The following ARMC2 variants were observed in gnomAD, a reference collection of about 807,000 sequenced individuals.
ARMC2 encodes the protein armadillo repeat containing 2.
Under a neutral mutation model 90.3 loss-of-function variants are expected in ARMC2, and 67 were observed. That is an observed-to-expected ratio of 0.74 (90% CI 0.61 to 0.91). ARMC2 has a LOEUF of 0.91. Among genes scored for constraint, ARMC2 ranks in the 40% least tolerant of loss-of-function variants. ARMC2 has a pLI of 0.00. For synonymous variants in ARMC2, 393 were observed against 393.0 expected (o/e 1.00, Z 0.00); for missense variants, 920 against 1,030.9 (o/e 0.89, Z 1.47).
At chr6:108,907,790 TC>T in intron 8 of ARMC2, 1 of 1,610,576 alleles carries the variant, frequency 6.2e-7, no homozygotes. Context: ...AGGGCTGAAG[TC>T]CCCCATCAAG....
chr6:108,936,099 T>C (rs1276384531), intron 11 of ARMC2, among the ~76,000 whole-genome samples: 1 of 152,230 alleles, frequency 6.6e-6, no homozygotes, highest in East Asian at 1.9e-4. Flanking sequence ...TTTTGTTTGC[T>C]TGCTTGCTTA....
the ARMC2 span, chr6:109,009,405 C>T: frequency 9.6e-6 from 14 of 1,458,950 alleles, no homozygotes; most frequent in Non-Finnish European, 1.3e-5. Flanking sequence ...GCCCAGCAGC[C>T]CCGAGACCGC....
chr6:109,047,366 G>A, the ARMC2 span, among the ~76,000 whole-genome samples: 1 of 137,160 alleles, frequency 7.3e-6, no homozygotes, highest in South Asian at 2.5e-4. Context: ...CCCCTGCCCG[G>A]CCAGCCGCCC....
At chr6:108,987,580 A>C in the ARMC2 span, 1 of 1,606,558 alleles carries the variant, frequency 6.2e-7, no homozygotes, top group Non-Finnish European at 8.5e-7. Flanking sequence ...TCAGAGCATA[A>C]AGGAGTTCTG....
At chr6:108,964,918 A>G (rs1778258268) in intron 16 of ARMC2, 62 bp from the exon 17 acceptor site, 2 of 1,223,112 alleles carry the variant, frequency 1.6e-6, no homozygotes, top group East Asian at 2.4e-5. Context: ...TATGCTAACA[A>G]TATTAAAATT....
At chr6:108,905,136 T>G (rs1032073854) in intron 8 of ARMC2, among the ~76,000 whole-genome samples, 1 of 152,224 alleles carries the variant, frequency 6.6e-6, no homozygotes, top group East Asian at 1.9e-4. Context: ...CTTTGTTTTC[T>G]TGGTTTCATA....
At chr6:109,009,730 G>T in the ARMC2 span, among the ~76,000 whole-genome samples, 1 of 152,090 alleles carries the variant, frequency 6.6e-6, no homozygotes, top group South Asian at 2.1e-4. Flanking sequence ...AAATCACCTT[G>T]GGGGCCCAGG....
chr6:109,048,674 C>G, the ARMC2 span, among the ~76,000 whole-genome samples: 1 of 152,106 alleles, frequency 6.6e-6, no homozygotes, highest in South Asian at 2.1e-4. Flanking sequence ...ATTTTAAAAT[C>G]TTATTCCCTA....
At chr6:108,985,344 T>A in the ARMC2 span, among the ~76,000 whole-genome samples, 1 of 152,302 alleles carries the variant, frequency 6.6e-6, no homozygotes, top group East Asian at 1.9e-4. Flanking sequence ...TTCTCATGAT[T>A]ATTTTAGAAG....
intron 3 of ARMC2, among the ~76,000 whole-genome samples, chr6:108,860,166 GT>G (rs1230118409): frequency 4.6e-5 from 7 of 151,616 alleles, no homozygotes; most frequent in Admixed American, 3.9e-4. Context: ...ATTTTCAAAA[GT>G]TTTTTTCCCT....
the ARMC2 span, chr6:108,994,322 T>G: frequency 1.7e-6 from 1 of 576,918 alleles, no homozygotes; most frequent in East Asian, 3.4e-5. Flanking sequence ...TAAAAATTAT[T>G]TGTAAATAGG....
chr6:109,047,174 G>A, the ARMC2 span, among the ~76,000 whole-genome samples: 8 of 50,882 alleles, frequency 1.6e-4, no homozygotes, highest in African/African-American at 5.2e-4. Context: ...AGGTGGGGGG[G>A]TCAGCCCCCC....
At chr6:109,042,656 T>A in the ARMC2 span, among the ~76,000 whole-genome samples, 1 of 151,972 alleles carries the variant, frequency 6.6e-6, no homozygotes, top group Non-Finnish European at 1.5e-5. Flanking sequence ...ATAACTCACC[T>A]ACTATGAAAT....
At chr6:109,049,517 T>C in the ARMC2 span, among the ~76,000 whole-genome samples, 2 of 152,036 alleles carry the variant, frequency 1.3e-5, no homozygotes, top group African/African-American at 4.8e-5. Flanking sequence ...TTCAAACAGC[T>C]AGAAGAGAGG....
At chr6:108,859,299 C>T (rs933592461) in intron 3 of ARMC2, among the ~76,000 whole-genome samples, 1 of 152,088 alleles carries the variant, frequency 6.6e-6, no homozygotes, top group African/African-American at 2.4e-5. Context: ...TCCTGGGGTG[C>T]CCCTCACCAT....
the ARMC2 span, among the ~76,000 whole-genome samples, chr6:109,033,380 C>T: frequency 6.6e-6 from 1 of 152,176 alleles, no homozygotes; most frequent in Non-Finnish European, 1.5e-5. Flanking sequence ...TTCTTTCTAA[C>T]TTTATACCCA....
intron 12 of ARMC2, among the ~76,000 whole-genome samples, chr6:108,944,210 CAA>C (rs1008381531): frequency 6.6e-6 from 1 of 152,196 alleles, no homozygotes; most frequent in Admixed American, 6.5e-5. Flanking sequence ...TTCTTCCTGA[CAA>C]AGTAGGAACC....
chr6:108,977,433 C>T (rs751114461), downstream of ARMC2, among the ~76,000 whole-genome samples: 18 of 152,178 alleles, frequency 1.2e-4, no homozygotes, highest in Admixed American at 5.9e-4. Flanking sequence ...CATCGATGTT[C>T]ATCAGGGATA....
Position 108,965,700 on chromosome 6 carries a change from A to G in ARMC2, c.2446+560A>G, listed in dbSNP as rs1455649066. ...TGCTCTGTCATCCAGGATGGAATACAGTGGTGCGATCACTGCTCACTGCAG... is the reference window on the plus strand; with the variant it reads ...TGCTCTGTCATCCAGGATGGAATACGGTGGTGCGATCACTGCTCACTGCAG... On this transcript the variant is annotated intron_variant, in intron 17 of 17. Transcript: ENST00000392644. Among the ~76,000 whole-genome samples the G allele has an allele frequency of 2.6e-5, 4 of 152,250 alleles. No homozygotes were observed. The East Asian group carries it at 5.8e-4, about 22-fold the overall frequency.
Sources: gnomAD v4.1 joint callset for allele counts (sites outside exome capture counted in the v4.1 genomes callset) on GRCh38, gnomAD v4.1.1 for gene constraint, MANE v1.5 for transcripts, NCBI Gene and HGNC (gene_info 2026-07-23, HGNC 2026-07-21) for gene names.